Variants in MGST3 observed in about 807,000 individuals in gnomAD.
MGST3 encodes microsomal glutathione S-transferase 3.
In MGST3, 13 loss-of-function variants were observed where a neutral mutation model predicts 15.8. The ratio of observed to expected loss-of-function variants is 0.82; its 90% CI spans 0.54 to 1.31. The LOEUF (loss-of-function observed/expected upper bound fraction) is 1.31. MGST3 is among the 50% of genes most tolerant of loss of function. MGST3 has a pLI of 0.00. For synonymous variants in MGST3, 49 were observed against 68.1 expected, an observed-to-expected ratio of 0.72 and a Z score of 1.38; for missense variants, 155 against 192.4, an observed-to-expected ratio of 0.81 and a Z score of 1.15.
chr1:165,654,747 G>A (rs892420713), intron 5 of MGST3, among the ~76,000 whole-genome samples: 4 of 152,116 alleles, frequency 2.6e-5, no homozygotes, highest in African/African-American at 9.7e-5. Context: ...TTGAGAAAAG[G>A]GGAAGTCACC....
Position 165,655,932 on chromosome 1 carries a change from C to T in MGST3, c.*428C>T, listed in dbSNP as rs1418647343. On this transcript the variant is annotated 3_prime_UTR_variant, in exon 6 of 6. Transcript: ENST00000367889. ...CCAGCCTGGGCAACATAGCAAAACC[C>T]CATCTCTACAAAAAAATATACAACA... 2 of 215,402 alleles carry T rather than the reference C, an allele frequency of 9.3e-6. No homozygotes were observed. The highest frequency in any genetic ancestry group is 1.9e-5 in the Non-Finnish European group (2 of 106,852). The allele number at this position is 215,402 out of a possible 1,614,324, so 13.3% of individuals were successfully genotyped here. A position where few individuals can be genotyped will look rare whatever the true frequency, so the allele number is the denominator to read the frequency against.
At chr1:165,645,744 TAC>T in intron 1 of MGST3, 1 of 152,210 alleles carries the variant, frequency 6.6e-6, no homozygotes, top group Non-Finnish European at 1.5e-5. Flanking sequence ...TCAGCTCCAT[TAC>T]AGTCTTATGG....
In MGST3 at chr1:165,644,114, C is replaced by T. The variant is rs543035156; in HGVS notation, c.-7-5727C>T. Among the ~76,000 whole-genome samples the T allele has an allele frequency of 6.6e-5, 10 of 150,870 alleles. No homozygotes were observed. In the South Asian group the frequency reaches 2.1e-3, roughly 32 times the overall value. On this transcript the variant is annotated intron_variant, in intron 1 of 5. Transcript: ENST00000367889. ...GTCCTCTAGATGGTTCTATCTTATA[C>T]TTCCCTCAACAGTGTAGAAGAGGGA...
rs1032674892 is a variant in MGST3, at chr1:165,650,994, T to C, written c.118-20T>C. 1 of 1,610,860 alleles carries C rather than the reference T, an allele frequency of 6.2e-7. No homozygotes were observed. Among genetic ancestry groups the C allele is most frequent in the Admixed American group, 1.7e-5 (1 of 59,992 alleles). ...ATGCTCCTCTTGACCATCTGATCAG[T>C]ATGTGCTTTGTTGTGACAGTATCCT... On this transcript the variant is annotated intron_variant, in intron 2 of 5. Transcript: ENST00000367889.
At chr1:165,634,066 A>G (rs1051135175) in intron 1 of MGST3, among the ~76,000 whole-genome samples, 10 of 146,194 alleles carry the variant, frequency 6.8e-5, no homozygotes, top group Admixed American at 2.8e-4. Flanking sequence ...GAAACATCTC[A>G]GGCTTTAGTC....
chr1:165,650,457 A>G, intron 2 of MGST3: 1 of 194,702 alleles, frequency 5.1e-6, no homozygotes, highest in Non-Finnish European at 1.1e-5. Flanking sequence ...GATAATTACC[A>G]AAGTTGTCCC....
At chr1:165,650,846 A>T in intron 2 of MGST3, 168 bp from the exon 3 acceptor site, 2 of 661,272 alleles carry the variant, frequency 3.0e-6, no homozygotes, top group Non-Finnish European at 5.5e-6. Flanking sequence ...TCTGCTTCTG[A>T]GAATTGAGAC....
intron 1 of MGST3, chr1:165,645,538 A>G (rs1181986816): frequency 6.6e-6 from 1 of 152,232 alleles, no homozygotes; most frequent in African/African-American, 2.4e-5. Context: ...TAGTAACTAC[A>G]TAAACCAGTA....
Position 165,651,007 on chromosome 1 carries a change from G to T in MGST3, c.118-7G>T. 6.2e-7 allele frequency: 1 copy of T among 1,613,722 alleles called. No homozygotes were observed. Among genetic ancestry groups the T allele is most frequent in the Non-Finnish European group, 8.5e-7 (1 of 1,179,588 alleles). ...CCATCTGATCAGTATGTGCTTTGTT[G>T]TGACAGTATCCTATCATGTACAGCA... On this transcript the variant is annotated splice_region_variant and splice_polypyrimidine_tract_variant and intron_variant, in intron 2 of 5. Coordinates refer to ENST00000367889, the MANE Select transcript of MGST3 (RefSeq NM_004528.4).
intron 1 of MGST3, among the ~76,000 whole-genome samples, chr1:165,642,524 T>A (rs1648287695): frequency 6.6e-6 from 1 of 152,236 alleles, no homozygotes; most frequent in African/African-American, 2.4e-5. Flanking sequence ...CTAAAATGTA[T>A]ATTCATTATC....
intron 4 of MGST3, among the ~76,000 whole-genome samples, chr1:165,652,542 G>A (rs1648588558): frequency 6.6e-6 from 1 of 152,172 alleles, no homozygotes. Context: ...AAAACAAAGT[G>A]GGGAAGGTGG....
chr1:165,633,521 T>A (rs2101712136), intron 1 of MGST3, among the ~76,000 whole-genome samples: 1 of 152,224 alleles, frequency 6.6e-6, no homozygotes, highest in East Asian at 1.9e-4. Context: ...GTAAGTGATA[T>A]TTTATTTTAT....
intron 1 of MGST3, among the ~76,000 whole-genome samples, chr1:165,640,489 T>G (rs1481035555): frequency 1.3e-5 from 2 of 151,966 alleles, no homozygotes; most frequent in Non-Finnish European, 2.9e-5. Flanking sequence ...AAATTTTGTT[T>G]TTGCTCAGAA....
chr1:165,649,099 T>C (rs1178900068), intron 1 of MGST3: 1 of 145,908 alleles, frequency 6.9e-6, no homozygotes, highest in Non-Finnish European at 1.5e-5. Context: ...ATGGGCAATC[T>C]GAGTTCCTCA....
At chr1:165,647,135 A>G (rs1648426510) in intron 1 of MGST3, 2 of 152,250 alleles carry the variant, frequency 1.3e-5, no homozygotes, top group African/African-American at 4.8e-5. Context: ...ATCCAGATTC[A>G]TAACGCCATA....
chr1:165,641,099 C>T (rs540047138), intron 1 of MGST3, among the ~76,000 whole-genome samples: 1 of 151,934 alleles, frequency 6.6e-6, no homozygotes, highest in African/African-American at 2.4e-5. Context: ...AGGAGAATCA[C>T]TTGAACCCAG....
Position 165,651,038 on chromosome 1 carries a change from C to T in MGST3, c.142C>T (p.Pro48Ser), listed in dbSNP as rs1802088. The change falls in exon 3 of 6, where the codon CCT becomes TCT. Residue 48 changes from proline to serine, a missense_variant. By Grantham distance (74) the Pro-to-Ser change is moderately conservative. Transcript: ENST00000367889. ...GTATCCTATCATGTACAGCACGGACCCTGAAAATGGGCACATCTTCAACTG... is the reference window on the plus strand; with the variant it reads ...GTATCCTATCATGTACAGCACGGACTCTGAAAATGGGCACATCTTCAACTG... ...VEYPIMYSTD[P>S]ENGHIFNCIQ... 6.2e-7 allele frequency: 1 copy of T among 1,614,130 alleles called. No homozygotes were observed. The highest frequency in any genetic ancestry group is 8.5e-7 in the Non-Finnish European group (1 of 1,180,026).
chr1:165,638,270 G>C (rs4294391), intron 1 of MGST3, among the ~76,000 whole-genome samples: 1 of 152,154 alleles, frequency 6.6e-6, no homozygotes, highest in Non-Finnish European at 1.5e-5. Context: ...CTTGAGCTCA[G>C]GAGTTCGAGA....
rs961835064 is a variant in MGST3 at position 165,638,547 on chromosome 1, G to T, written c.-8+7254G>T. On this transcript the variant is annotated intron_variant, in intron 1 of 5. Transcript: ENST00000367889. ...ACCTGTAATCCCAGCACTTTCGGAGGCCAAGGAGGGTGGATCACTTGAGGT... is the reference window on the plus strand; with the variant it reads ...ACCTGTAATCCCAGCACTTTCGGAGTCCAAGGAGGGTGGATCACTTGAGGT... Among the ~76,000 whole-genome samples the T allele has an allele frequency of 2.0e-5, 3 of 152,000 alleles. No homozygotes were observed. The South Asian group carries it at 6.2e-4, about 32-fold the overall frequency.
Sources: allele counts gnomAD v4.1 joint callset (sites outside exome capture counted in the v4.1 genomes callset), GRCh38; gene constraint gnomAD v4.1.1; transcripts MANE v1.5; gene names NCBI Gene and HGNC (gene_info 2026-07-23, HGNC 2026-07-21).